Variants in GPR26 observed in about 807,000 individuals in gnomAD.
GPR26 encodes G protein-coupled receptor 26.
In GPR26, 15 loss-of-function variants were observed where a neutral mutation model predicts 23.1. The ratio of observed to expected loss-of-function variants is 0.65; its 90% confidence interval spans 0.43 to 1.00. GPR26 has a LOEUF of 1.00. GPR26 is among the 50% of genes least tolerant of loss of function. The probability of loss-of-function intolerance (pLI) is 0.00; values close to 1 mark genes in which losing one functional copy is unlikely to be tolerated. For synonymous variants in GPR26, 228 were observed against 222.1 expected, an observed-to-expected ratio of 1.03 and a Z score of -0.24; for missense variants, 359 against 470.5, an observed-to-expected ratio of 0.76 and a Z score of 2.19.
At chr10:123,683,797 T>G (rs1006864477) in intron 2 of GPR26, among the ~76,000 whole-genome samples, 2 of 152,116 alleles carry the variant, frequency 1.3e-5, no homozygotes, top group African/African-American at 4.8e-5. Context: ...CACACAGGGT[T>G]TGGGGGTCTG....
Position 123,666,519 on chromosome 10 carries a change from C to G in GPR26, c.112C>G (p.Arg38Gly), listed in dbSNP as rs751087322. The change falls in exon 1 of 3, where the codon CGC (arginine) becomes GGC (glycine). Residue 38 changes from arginine to glycine, a missense_variant. Coordinates refer to ENST00000284674, the MANE Select transcript of GPR26 (RefSeq NM_153442.4). ...CCTGCTGCACAGCGCGGACATCCGC[C>G]GCCAGGCGCCGGCGCTCTTCACCCT... ...LCLLHSADIR[R>G]QAPALFTLNL... is the part of the protein sequence containing the mutation. 3.0e-5 allele frequency: 47 copies of G among 1,580,932 alleles called. No individual in the cohort carries two copies. The highest frequency in any genetic ancestry group is 3.7e-5 in the Non-Finnish European group (43 of 1,167,150).
At chr10:123,680,177 T>G (rs1422477052) in intron 2 of GPR26, among the ~76,000 whole-genome samples, 1 of 152,178 alleles carries the variant, frequency 6.6e-6, no homozygotes, top group Non-Finnish European at 1.5e-5. Flanking sequence ...TGAACCCTGT[T>G]CCGAGTCAGA....
intron 1 of GPR26, 37 bp downstream of exon 1, chr10:123,667,112 C>CGGGATCTCG: frequency 6.9e-7 from 1 of 1,440,892 alleles, no homozygotes; most frequent in Non-Finnish European, 9.3e-7. Flanking sequence ...GGAACAGCCG[C>CGGGATCTCG]GCGGGATCTC....
intron 2 of GPR26, among the ~76,000 whole-genome samples, chr10:123,680,908 C>T (rs933633303): frequency 2.0e-4 from 30 of 148,348 alleles, no homozygotes; most frequent in Admixed American, 1.6e-3. Flanking sequence ...AGTGCGATCT[C>T]AGCTCACTGC....
At chr10:123,685,917 T>C (rs1845427227) in intron 2 of GPR26, among the ~76,000 whole-genome samples, 1 of 152,180 alleles carries the variant, frequency 6.6e-6, no homozygotes, top group Non-Finnish European at 1.5e-5. Context: ...TTAGAGATTG[T>C]ACACATAAGT....
chr10:123,689,629 G>A lies in GPR26; in HGVS notation c.*1469G>A, dbSNP rs897269104. ...TTCCAGCTCTTTACATCCTAACTTT[G>A]GAGGTATAGAAGGAAGGATGTGGTC... On this transcript the variant is annotated 3_prime_UTR_variant, in exon 3 of 3. Coordinates refer to ENST00000284674, the MANE Select transcript of GPR26 (RefSeq NM_153442.4). 2.6e-5 allele frequency: 4 copies of A among 152,200 alleles called. No individual in the cohort carries two copies. Among genetic ancestry groups the A allele is most frequent in the African/African-American group, 9.7e-5 (4 of 41,448 alleles). The allele number at this position is 152,200 out of a possible 1,614,324, so 9.4% of individuals were successfully genotyped here.
Position 123,666,559 on chromosome 10 carries a change from G to A in GPR26, c.152G>A (p.Gly51Glu). Residue 51 changes from glycine to glutamate, a missense_variant, in exon 1 of 3, where the codon GGG (glycine) becomes GAG (glutamate). Gly to Glu is a moderately conservative substitution (Grantham distance 98, BLOSUM62 -2). Coordinates refer to ENST00000284674, the MANE Select transcript of GPR26 (RefSeq NM_153442.4). ...PALFTLNLTC[G>E]NLLCTVVNMP... ...CTCTTCACCCTGAACCTCACGTGCG[G>A]GAACCTGCTGTGCACCGTGGTCAAC... 2 of 1,597,530 alleles carry A rather than the reference G, an allele frequency of 1.3e-6. No homozygotes were observed. The highest frequency in any genetic ancestry group is 1.7e-6 in the Non-Finnish European group (2 of 1,174,472).
Position 123,666,780 on chromosome 10 carries a change from C to A in GPR26, c.373C>A (p.Leu125Ile), listed in dbSNP as rs1445431249. 2 of 1,605,176 alleles carry A rather than the reference C, an allele frequency of 1.2e-6. No individual in the cohort carries two copies. The highest frequency in any genetic ancestry group is 1.7e-6 in the Non-Finnish European group (2 of 1,177,674). Residue 125 changes from leucine (L) to isoleucine (I), a missense_variant, in exon 1 of 3, where the codon CTC becomes ATC. By Grantham distance (5) the Leu-to-Ile change is conservative (BLOSUM62 2). Transcript: ENST00000284674. ...CAAGATGCGCCTCCGCGACGCGGCG[C>A]TCATGGTGGCCTACACGTGGCTGCA... is the stretch of plus-strand genomic sequence containing the variant. ...RAKMRLRDAA[L>I]MVAYTWLHAL...
At chr10:123,671,101 C>T (rs910756881) in intron 1 of GPR26, among the ~76,000 whole-genome samples, 15 of 152,316 alleles carry the variant, frequency 9.8e-5, no homozygotes, top group Middle Eastern at 3.4e-3. Flanking sequence ...AAAAACCAAT[C>T]TGAGTCACTC....
At position 123,690,770 on chromosome 10, in the gene GPR26, A is replaced by T. The variant is rs1321938810; in HGVS notation, c.*2610A>T. On this transcript the variant is annotated 3_prime_UTR_variant, in exon 3 of 3. Coordinates refer to ENST00000284674, the MANE Select transcript of GPR26 (RefSeq NM_153442.4). ...TATTTTCATCTCTATACAGTCTATC[A>T]AATTTGCCCCCTGGCTTTATTACTC... 2 of 152,232 alleles carry T rather than the reference A, an allele frequency of 1.3e-5. No individual in the cohort carries two copies. Among genetic ancestry groups the T allele is most frequent in the African/African-American group, 4.8e-5 (2 of 41,458 alleles). 9.4% of individuals were successfully genotyped at this position (152,232 alleles called of 1,614,324 possible).
chr10:123,667,058 G>A lies in GPR26; in HGVS notation c.651G>A (p.Leu217=). The change falls in exon 1 of 3, where the codon CTG becomes CTA. Residue 217 remains leucine (L), a synonymous_variant. Coordinates refer to ENST00000284674, the MANE Select transcript of GPR26 (RefSeq NM_153442.4). The stretch of plus-strand genomic sequence containing the variant: ...TCACCATGCAGACGCTGGTGCTGCT[G>A]GTGGACCTGCACCCCAGGTGAGCCG... The part of the protein sequence containing the change: ...DVITMQTLVL[L]VDLHPSVRER... The A allele has an allele frequency of 6.3e-7, 1 of 1,594,330 alleles. No homozygotes were observed. Among genetic ancestry groups the A allele is most frequent in the Non-Finnish European group, 8.5e-7 (1 of 1,170,574 alleles).
At chr10:123,669,770 A>T (rs1399334245) in intron 1 of GPR26, among the ~76,000 whole-genome samples, 2 of 152,098 alleles carry the variant, frequency 1.3e-5, no homozygotes, top group African/African-American at 2.4e-5. Context: ...CCACCTCCAA[A>T]ATACCCGGGA....
chr10:123,673,476 T>C (rs1428265788), intron 1 of GPR26, among the ~76,000 whole-genome samples: 1 of 152,182 alleles, frequency 6.6e-6, no homozygotes, highest in African/African-American at 2.4e-5. Context: ...GGCAACTGTG[T>C]CCACAGTCTT....
chr10:123,671,755 A>G (rs1209614095), intron 1 of GPR26, among the ~76,000 whole-genome samples: 1 of 152,182 alleles, frequency 6.6e-6, no homozygotes, highest in African/African-American at 2.4e-5. Context: ...CTCACTCAGG[A>G]GACCTGGGAA....
At chr10:123,675,832 A>ATGTGTGTGTGTGTGTGTG (rs1564731113) in intron 2 of GPR26, among the ~76,000 whole-genome samples, 2 of 45,348 alleles carry the variant, frequency 4.4e-5, no homozygotes, top group Non-Finnish European at 4.6e-5. Context: ...GTGTGTGTGT[A>ATGTGTGTGTGTGTGTGTG]CGTGTGTGTG....
In GPR26 at chr10:123,690,464, T is replaced by C. The variant is rs1258260183; in HGVS notation, c.*2304T>C. ...TATAGGCAACATGTTGTACTCCCAG[T>C]AGCAACTAGATCTCTTTTACCTCTT... On this transcript the variant is annotated 3_prime_UTR_variant, in exon 3 of 3. Transcript: ENST00000284674. The C allele has an allele frequency of 6.6e-6, 1 of 152,212 alleles. No homozygotes were observed. The highest frequency in any genetic ancestry group is 2.4e-5 in the African/African-American group (1 of 41,444). The allele number at this position is 152,212 out of a possible 1,614,324, so 9.4% of individuals were successfully genotyped here. A position where few individuals can be genotyped will look rare whatever the true frequency, so the allele number is the denominator to read the frequency against.
At chr10:123,670,954 C>T (rs781083588) in intron 1 of GPR26, among the ~76,000 whole-genome samples, 1 of 152,162 alleles carries the variant, frequency 6.6e-6, no homozygotes, top group Non-Finnish European at 1.5e-5. Flanking sequence ...GGATGAGGGA[C>T]TCTTAATGTG....
chr10:123,678,426 T>C (rs187097641), intron 2 of GPR26, among the ~76,000 whole-genome samples: 1 of 152,322 alleles, frequency 6.6e-6, no homozygotes, highest in Non-Finnish European at 1.5e-5. Flanking sequence ...CCCTGCTCGA[T>C]GTCAGGGTTT....
intron 1 of GPR26, among the ~76,000 whole-genome samples, chr10:123,668,487 C>T (rs975431690): frequency 6.6e-6 from 1 of 152,218 alleles, no homozygotes; most frequent in African/African-American, 2.4e-5. Context: ...CATGTGTTCA[C>T]ACATAAACTG....
Sources: allele counts gnomAD v4.1 joint callset (sites outside exome capture counted in the v4.1 genomes callset), GRCh38; gene constraint gnomAD v4.1.1; transcripts MANE v1.5; gene names NCBI Gene and HGNC (gene_info 2026-07-23, HGNC 2026-07-21).